The following CAMK2N2 variants were observed in gnomAD, a reference collection of about 807,000 sequenced individuals.
CAMK2N2 encodes calcium/calmodulin-dependent protein kinase II inhibitor 2.
Under a neutral mutation model 7.8 loss-of-function variants are expected in CAMK2N2, and 3 were observed. The observed-to-expected ratio is 0.38, with a 90% CI of 0.18 to 0.99. The LOEUF is 0.99. Among genes scored for constraint, CAMK2N2 ranks in the 50% least tolerant of loss-of-function variants. The pLI is 0.37. For missense variants in CAMK2N2, 85 were observed against 108.4 expected, an observed-to-expected ratio of 0.78 and a Z score of 0.96; for synonymous variants, 45 against 46.6, an observed-to-expected ratio of 0.97 and a Z score of 0.14.
rs372012908 is a variant in CAMK2N2 at position 184,261,106 on chromosome 3, G to T, written c.169+11C>A. ...TGGGTCAGGCGGCGACTCCGGGCCCGGGCCGCGTACCTCGCTTGGCTCGGC... is the reference window on the plus strand; with the variant it reads ...TGGGTCAGGCGGCGACTCCGGGCCCTGGCCGCGTACCTCGCTTGGCTCGGC... On this transcript the variant is annotated intron_variant, in intron 1 of 1. Transcript: ENST00000296238. This position sits in a 1 kb window ranked among gnomAD's most constrained non-coding sequence, Gnocchi z 5.1. 545 of 1,592,372 alleles carry T rather than the reference G, an allele frequency of 3.4e-4. No homozygotes were observed. The highest frequency in any genetic ancestry group is 1.4e-3 in the Middle Eastern group (8 of 5,568).
In CAMK2N2 at chr3:184,260,980, C is replaced by T. The variant is rs1008340937; in HGVS notation, c.169+137G>A. 5.3e-6 allele frequency: 5 copies of T among 938,574 alleles called. No homozygotes were observed. Among genetic ancestry groups the T allele is most frequent in the African/African-American group, 3.6e-5 (2 of 56,266 alleles). 58.1% of individuals were successfully genotyped at this position (938,574 alleles called of 1,614,324 possible). ...CACACACTGCAGCGGGGACCCCCCC[C>T]TCCAGCCCGGGCTGGAGAGCGGCTG... On this transcript the variant is annotated intron_variant, in intron 1 of 1. Coordinates refer to ENST00000296238, the MANE Select transcript of CAMK2N2 (RefSeq NM_033259.3). The surrounding 1 kb of genome is among the most constrained non-coding windows in gnomAD (Gnocchi z 6.6).
rs1274736615 is a variant in CAMK2N2 at position 184,260,774 on chromosome 3, T to G, written c.169+343A>C. Reference sequence around the variant, plus strand: ...CTCTCGACCCGAAGGTTCTTCGTATTGTCCACCGACTCAGTATTTGATCCC... The same window carrying G: ...CTCTCGACCCGAAGGTTCTTCGTATGGTCCACCGACTCAGTATTTGATCCC... On this transcript the variant is annotated intron_variant, in intron 1 of 1. Transcript: ENST00000296238. The surrounding 1 kb of genome is among the most constrained non-coding windows in gnomAD (Gnocchi z 6.6). 6.6e-6 allele frequency among the ~76,000 whole-genome samples: 1 copy of G among 152,206 alleles called. No individual in the cohort carries two copies. Among genetic ancestry groups the G allele is most frequent in the African/African-American group, 2.4e-5 (1 of 41,466 alleles).
chr3:184,260,974 C>G lies in CAMK2N2; in HGVS notation c.169+143G>C, dbSNP rs34760579. 1 of 843,534 alleles carries G rather than the reference C, an allele frequency of 1.2e-6. No homozygotes were observed. The highest frequency in any genetic ancestry group is 1.7e-6 in the Non-Finnish European group (1 of 581,798). 52.3% of individuals were successfully genotyped at this position (843,534 alleles called of 1,614,324 possible). ...GGGGGACACACACTGCAGCGGGGACCCCCCCCTCCAGCCCGGGCTGGAGAG... is the reference window on the plus strand; with the variant it reads ...GGGGGACACACACTGCAGCGGGGACGCCCCCCTCCAGCCCGGGCTGGAGAG... On this transcript the variant is annotated intron_variant, in intron 1 of 1. Transcript: ENST00000296238. The surrounding 1 kb of genome is among the most constrained non-coding windows in gnomAD (Gnocchi z 6.6).
At position 184,260,230 on chromosome 3, in the gene CAMK2N2, G is replaced by T. The variant is rs1426551660; in HGVS notation, c.170-3C>A. ...TATCCGGTCATCCTCGATCACCACT[G>T]CGCAGGGAGAAAGCGCGTCAGCCGC... On this transcript the variant is annotated splice_polypyrimidine_tract_variant and splice_region_variant and intron_variant, in intron 1 of 1. Coordinates refer to ENST00000296238, the MANE Select transcript of CAMK2N2 (RefSeq NM_033259.3). This position sits in a 1 kb window ranked among gnomAD's most constrained non-coding sequence, Gnocchi z 6.6. The T allele has an allele frequency of 6.2e-7, 1 of 1,609,830 alleles. No individual in the cohort carries two copies. Among genetic ancestry groups the T allele is most frequent in the South Asian group, 1.1e-5 (1 of 91,006 alleles).
chr3:184,261,364 T>A lies in CAMK2N2; in HGVS notation c.-79A>T. The A allele has an allele frequency of 1.6e-6, 2 of 1,229,940 alleles. No individual in the cohort carries two copies. The highest frequency in any genetic ancestry group is 2.1e-6 in the Non-Finnish European group (2 of 956,834). The allele number at this position is 1,229,940 out of a possible 1,614,324, so 76.2% of individuals were successfully genotyped here. ...GGCGGGCTTGCTGCCGGACCGGCCC[T>A]ACCTCAGCAGGGGAGCCGGCGGAAG... is the stretch of plus-strand genomic sequence containing the variant. On this transcript the variant is annotated 5_prime_UTR_variant, in exon 1 of 2. An upstream open reading frame in the 5' UTR loses its in-frame stop. Coordinates refer to ENST00000296238, the MANE Select transcript of CAMK2N2 (RefSeq NM_033259.3). The surrounding 1 kb of genome is among the most constrained non-coding windows in gnomAD (Gnocchi z 5.1).
rs1296821635 is a variant in CAMK2N2, at chr3:184,259,674, G to C, written c.*483C>G. On this transcript the variant is annotated 3_prime_UTR_variant, in exon 2 of 2. Transcript: ENST00000296238. ...AGAGGCTGAGGCTGGGGTCACGCCA[G>C]ACAGGGGTGGGGGCGAGGAACGGCC... 6.5e-6 allele frequency: 1 copy of C among 152,816 alleles called. No homozygotes were observed. Among genetic ancestry groups the C allele is most frequent in the African/African-American group, 2.4e-5 (1 of 41,474 alleles). The allele number at this position is 152,816 out of a possible 1,614,324, so 9.5% of individuals were successfully genotyped here. A position where few individuals can be genotyped will look rare whatever the true frequency, so the allele number is the denominator to read the frequency against.
rs1280486423 is a variant in CAMK2N2, at chr3:184,260,343, G to C, written c.170-116C>G. The C allele has an allele frequency of 3.3e-6, 3 of 920,782 alleles. No individual in the cohort carries two copies. The highest frequency in any genetic ancestry group is 3.1e-5 in the South Asian group (2 of 64,318). 57.0% of individuals were successfully genotyped at this position (920,782 alleles called of 1,614,324 possible). A position where few individuals can be genotyped will look rare whatever the true frequency, so the allele number is the denominator to read the frequency against. The stretch of plus-strand genomic sequence containing the variant: ...TGCCCGTGGCCCAGCGACGCCCCTC[G>C]GAACCCTGTGCCGCGGTGTCCTCCC... On this transcript the variant is annotated intron_variant, in intron 1 of 1. Transcript: ENST00000296238. This position sits in a 1 kb window ranked among gnomAD's most constrained non-coding sequence, Gnocchi z 6.6.
chr3:184,261,312 G>C lies in CAMK2N2; in HGVS notation c.-27C>G. The C allele has an allele frequency of 6.9e-7, 1 of 1,458,574 alleles. No individual in the cohort carries two copies. The highest frequency in any genetic ancestry group is 9.0e-7 in the Non-Finnish European group (1 of 1,112,378). 90.4% of individuals were successfully genotyped at this position (1,458,574 alleles called of 1,614,324 possible). ...GCGGGCGCGGGGTGGGCGCGGGGCG[G>C]GAGCGGGACTGCGGCGGGGCGCGGG... On this transcript the variant is annotated 5_prime_UTR_variant, in exon 1 of 2. Coordinates refer to ENST00000296238, the MANE Select transcript of CAMK2N2 (RefSeq NM_033259.3). The surrounding 1 kb of genome is among the most constrained non-coding windows in gnomAD (Gnocchi z 5.1).
chr3:184,260,287 A>C lies in CAMK2N2; in HGVS notation c.170-60T>G, dbSNP rs1290786909. 1 of 1,518,216 alleles carries C rather than the reference A, an allele frequency of 6.6e-7. No individual in the cohort carries two copies. The highest frequency in any genetic ancestry group is 2.3e-5 in the East Asian group (1 of 43,220). 94.0% of individuals were successfully genotyped at this position (1,518,216 alleles called of 1,614,324 possible). On this transcript the variant is annotated intron_variant, in intron 1 of 1. Transcript: ENST00000296238. The surrounding 1 kb of genome is among the most constrained non-coding windows in gnomAD (Gnocchi z 6.6). ...TCGGGGGGCGGCGGCGATGAGAATG[A>C]GCCCCGCGTCCTAGCTTCCCGCGCA...
chr3:184,261,390 G>A lies in CAMK2N2; in HGVS notation c.-105C>T. The A allele has an allele frequency of 2.0e-6, 2 of 1,014,282 alleles. No individual in the cohort carries two copies. The highest frequency in any genetic ancestry group is 6.8e-5 in the East Asian group (2 of 29,232). The allele number at this position is 1,014,282 out of a possible 1,614,324, so 62.8% of individuals were successfully genotyped here. The stretch of plus-strand genomic sequence containing the variant: ...ACCTCAGCAGGGGAGCCGGCGGAAG[G>A]ATGAAGTCATGCAGCATCCGGGGCT... On this transcript the variant is annotated 5_prime_UTR_variant, in exon 1 of 2. Transcript: ENST00000296238. This position sits in a 1 kb window ranked among gnomAD's most constrained non-coding sequence, Gnocchi z 5.1.
chr3:184,261,056 C>CG lies in CAMK2N2; in HGVS notation c.169+60dup, dbSNP rs1720027952. 6.7e-7 allele frequency: 1 copy of CG among 1,494,958 alleles called. No individual in the cohort carries two copies. Among genetic ancestry groups the CG allele is most frequent in the Non-Finnish European group, 8.9e-7 (1 of 1,129,518 alleles). The allele number at this position is 1,494,958 out of a possible 1,614,324, so 92.6% of individuals were successfully genotyped here. A position where few individuals can be genotyped will look rare whatever the true frequency, so the allele number is the denominator to read the frequency against. On this transcript the variant is annotated intron_variant, in intron 1 of 1. Transcript: ENST00000296238. The surrounding 1 kb of genome is among the most constrained non-coding windows in gnomAD (Gnocchi z 5.1). ...CGGGCACTCGGCGGGGAACGGCAGC[C>CG]GGGGGGCGCCCGGCGGAGGGTTTCT...
At position 184,260,751 on chromosome 3, in the gene CAMK2N2, C is replaced by T. The variant is rs1720015235; in HGVS notation, c.169+366G>A. Among the ~76,000 whole-genome samples, 1 of 152,234 alleles carries T rather than the reference C, an allele frequency of 6.6e-6. No homozygotes were observed. The highest frequency in any genetic ancestry group is 2.1e-4 in the South Asian group (1 of 4,832). ...CTGCCCTCTCTTGTTAGACGTCCCT[C>T]TCGACCCGAAGGTTCTTCGTATTGT... On this transcript the variant is annotated intron_variant, in intron 1 of 1. Transcript: ENST00000296238. This position sits in a 1 kb window ranked among gnomAD's most constrained non-coding sequence, Gnocchi z 6.6.
chr3:184,260,625 C>T lies in CAMK2N2; in HGVS notation c.170-398G>A, dbSNP rs951564091. 6.6e-6 allele frequency among the ~76,000 whole-genome samples: 1 copy of T among 152,182 alleles called. No homozygotes were observed. Among genetic ancestry groups the T allele is most frequent in the Non-Finnish European group, 1.5e-5 (1 of 68,030 alleles). ...TATCCAGCTGGTCCAGCCCTCTCCT[C>T]AACCTGAGCCCTCTCGCCGCTGGAA... is the stretch of plus-strand genomic sequence containing the variant. On this transcript the variant is annotated intron_variant, in intron 1 of 1. Coordinates refer to ENST00000296238, the MANE Select transcript of CAMK2N2 (RefSeq NM_033259.3). This position sits in a 1 kb window ranked among gnomAD's most constrained non-coding sequence, Gnocchi z 6.6.
In CAMK2N2 at chr3:184,260,123, C is replaced by G; in HGVS notation, c.*34G>C. 1 of 1,407,148 alleles carries G rather than the reference C, an allele frequency of 7.1e-7. No homozygotes were observed. The highest frequency in any genetic ancestry group is 3.1e-5 in the East Asian group (1 of 32,412). The allele number at this position is 1,407,148 out of a possible 1,614,324, so 87.2% of individuals were successfully genotyped here. On this transcript the variant is annotated 3_prime_UTR_variant, in exon 2 of 2. Transcript: ENST00000296238. The surrounding 1 kb of genome is among the most constrained non-coding windows in gnomAD (Gnocchi z 6.6). ...GCCCGCGCTCCTGGCCGCTGCGAGG[C>G]TGGGCCCGGAGCCCGCCGCCCGAGC...
chr3:184,260,553 A>T lies in CAMK2N2; in HGVS notation c.170-326T>A, dbSNP rs148884133. On this transcript the variant is annotated intron_variant, in intron 1 of 1. Coordinates refer to ENST00000296238, the MANE Select transcript of CAMK2N2 (RefSeq NM_033259.3). The surrounding 1 kb of genome is among the most constrained non-coding windows in gnomAD (Gnocchi z 6.6). ...CTTGCTCACGGAATCCCCCTCTTCA[A>T]CCCGCACTTCAACAGATCCCCCTGC... 3.6e-4 allele frequency among the ~76,000 whole-genome samples: 55 copies of T among 151,912 alleles called. No individual in the cohort carries two copies. The highest frequency in any genetic ancestry group is 7.9e-4 in the Admixed American group (12 of 15,268).
rs1720045615 is a variant in CAMK2N2, at chr3:184,261,424, A to G, written c.-139T>C. ...ATGCAGCATCCGGGGCTGAGGAGCC[A>G]AGCGGGGCCTCCTCCCCCGCGCCTC... is the stretch of plus-strand genomic sequence containing the variant. On this transcript the variant is annotated 5_prime_UTR_variant, in exon 1 of 2. Coordinates refer to ENST00000296238, the MANE Select transcript of CAMK2N2 (RefSeq NM_033259.3). The surrounding 1 kb of genome is among the most constrained non-coding windows in gnomAD (Gnocchi z 5.1). 2 of 628,228 alleles carry G rather than the reference A, an allele frequency of 3.2e-6. No homozygotes were observed. The highest frequency in any genetic ancestry group is 4.4e-6 in the Non-Finnish European group (2 of 451,110). 38.9% of individuals were successfully genotyped at this position (628,228 alleles called of 1,614,324 possible).
Position 184,261,299 on chromosome 3 carries a change from T to C in CAMK2N2, c.-14A>G, listed in dbSNP as rs751744923. On this transcript the variant is annotated 5_prime_UTR_variant, in exon 1 of 2. Transcript: ENST00000296238. The surrounding 1 kb of genome is among the most constrained non-coding windows in gnomAD (Gnocchi z 5.1). ...GATCTCGGACATGGCGGGCGCGGGG[T>C]GGGCGCGGGGCGGGAGCGGGACTGC... 2 of 1,268,020 alleles carry C rather than the reference T, an allele frequency of 1.6e-6. No homozygotes were observed. The highest frequency in any genetic ancestry group is 3.4e-5 in the African/African-American group (2 of 59,510). 78.5% of individuals were successfully genotyped at this position (1,268,020 alleles called of 1,614,324 possible). A position where few individuals can be genotyped will look rare whatever the true frequency, so the allele number is the denominator to read the frequency against.
In CAMK2N2 at chr3:184,260,309, C is replaced by T. The variant is rs1719996080; in HGVS notation, c.170-82G>A. ...ATGAGCCCCGCGTCCTAGCTTCCCGCGCAGCTACTGCCCGTGGCCCAGCGA... is the reference window on the plus strand; with the variant it reads ...ATGAGCCCCGCGTCCTAGCTTCCCGTGCAGCTACTGCCCGTGGCCCAGCGA... On this transcript the variant is annotated intron_variant, in intron 1 of 1. Transcript: ENST00000296238. This position sits in a 1 kb window ranked among gnomAD's most constrained non-coding sequence, Gnocchi z 6.6. 7.3e-7 allele frequency: 1 copy of T among 1,360,624 alleles called. No individual in the cohort carries two copies. The highest frequency in any genetic ancestry group is 1.8e-5 in the Admixed American group (1 of 56,598). The allele number at this position is 1,360,624 out of a possible 1,614,324, so 84.3% of individuals were successfully genotyped here.
In CAMK2N2 at chr3:184,260,321, C is replaced by T. The variant is rs974261510; in HGVS notation, c.170-94G>A. ...TCCTAGCTTCCCGCGCAGCTACTGC[C>T]CGTGGCCCAGCGACGCCCCTCGGAA... On this transcript the variant is annotated intron_variant, in intron 1 of 1. Transcript: ENST00000296238. The surrounding 1 kb of genome is among the most constrained non-coding windows in gnomAD (Gnocchi z 6.6). The T allele has an allele frequency of 6.3e-6, 8 of 1,261,988 alleles. No individual in the cohort carries two copies. The highest frequency in any genetic ancestry group is 8.9e-6 in the Non-Finnish European group (8 of 897,164). The allele number at this position is 1,261,988 out of a possible 1,614,324, so 78.2% of individuals were successfully genotyped here. A position where few individuals can be genotyped will look rare whatever the true frequency, so the allele number is the denominator to read the frequency against.
Sources: allele counts gnomAD v4.1 joint callset (sites outside exome capture counted in the v4.1 genomes callset), GRCh38; gene constraint gnomAD v4.1.1; non-coding constraint Gnocchi (gnomAD v3.1); transcripts MANE v1.5; gene names NCBI Gene and HGNC (gene_info 2026-07-23, HGNC 2026-07-21).